Variants in TCF20 observed in about 807,000 individuals in gnomAD.
The protein encoded by TCF20 is transcription factor 20.
TCF20 carries 3 observed loss-of-function variants against 148.6 expected under a neutral mutation model. The ratio of observed to expected loss-of-function variants is 0.02; its 90% confidence interval spans 0.01 to 0.05. The LOEUF (loss-of-function observed/expected upper bound fraction) is 0.05. TCF20 is among the 10% of genes least tolerant of loss of function. The probability of loss-of-function intolerance (pLI) is 1.00; values close to 1 mark genes in which losing one functional copy is unlikely to be tolerated. For synonymous variants in TCF20, 1,049 were observed against 909.5 expected (o/e 1.15, Z -2.76); for missense variants, 2,350 against 2,429.3 (o/e 0.97, Z 0.69).
chr22:42,286,597 A>G (rs1255765604), upstream of TCF20, among the ~76,000 whole-genome samples: 1 of 152,214 alleles, frequency 6.6e-6, no homozygotes, highest in Non-Finnish European at 1.5e-5. Flanking sequence ...AGATTACTTT[A>G]TCTGATCAGG....
intron 1 of TCF20, among the ~76,000 whole-genome samples, chr22:42,315,526 A>C (rs1317669233): frequency 2.0e-5 from 3 of 152,206 alleles, no homozygotes; most frequent in African/African-American, 7.2e-5. Flanking sequence ...TTCACTCAAC[A>C]AACTTTCACT....
chr22:42,301,823 T>C (rs956901579), intron 1 of TCF20, among the ~76,000 whole-genome samples: 1 of 152,154 alleles, frequency 6.6e-6, no homozygotes, highest in East Asian at 1.9e-4. Flanking sequence ...ATTCCCCTGG[T>C]AGATTTCAGT....
intron 2 of TCF20, among the ~76,000 whole-genome samples, chr22:42,187,507 G>T (rs1407326715): frequency 2.0e-5 from 3 of 152,142 alleles, no homozygotes; most frequent in Admixed American, 2.0e-4. Context: ...CCCCAGAAGT[G>T]GTACAAAACG....
At chr22:42,286,869 G>A (rs1181296953), upstream of TCF20, among the ~76,000 whole-genome samples, 1 of 152,212 alleles carries the variant, frequency 6.6e-6, no homozygotes, top group East Asian at 1.9e-4. Flanking sequence ...GTTCCCATCA[G>A]TCCCTTGAAC....
chr22:42,307,204 C>T (rs1927451981), intron 1 of TCF20, among the ~76,000 whole-genome samples: 1 of 152,206 alleles, frequency 6.6e-6, no homozygotes, highest in African/African-American at 2.4e-5. Flanking sequence ...GTAGCTACAA[C>T]CAGCATTTGA....
intron 2 of TCF20, among the ~76,000 whole-genome samples, chr22:42,205,350 GT>G (rs1938315985): frequency 6.8e-6 from 1 of 146,888 alleles, no homozygotes; most frequent in Admixed American, 6.7e-5. Context: ...AAATGTTCTA[GT>G]TTTCGGCAAT....
chr22:42,166,425 T>C (rs1195118990), intron 5 of TCF20, among the ~76,000 whole-genome samples: 1 of 151,964 alleles, frequency 6.6e-6, no homozygotes, highest in Non-Finnish European at 1.5e-5. Flanking sequence ...CTGGGCAACA[T>C]GGTGAAACCC....
intron 1 of TCF20, among the ~76,000 whole-genome samples, chr22:42,221,745 T>TTTTTTTTTTTTTC (rs1922384924): frequency 7.7e-6 from 1 of 130,416 alleles, no homozygotes; most frequent in African/African-American, 3.2e-5. Context: ...AAGGGTTTTT[T>TTTTTTTTTTTTTC]TTTTTTTTTT....
chr22:42,242,227 A>AGAAAAAAAAT (rs1491280192), intron 1 of TCF20, among the ~76,000 whole-genome samples: 1 of 122,704 alleles, frequency 8.1e-6, no homozygotes, highest in Non-Finnish European at 1.7e-5. Context: ...AAAAAAAAAA[A>AGAAAAAAAAT]CAGAAAAGAA....
intron 1 of TCF20, among the ~76,000 whole-genome samples, chr22:42,311,578 A>G (rs6002679): frequency 0.56 from 84,990 of 152,028 alleles, 24,443 homozygotes; most frequent in African/African-American, 0.68. Flanking sequence ...CATGTTGTGG[A>G]CAGGAGCAAG....
chr22:42,251,520 T>TTTTTTTTTTTTTG (rs1555947166), intron 1 of TCF20, among the ~76,000 whole-genome samples: 1 of 115,716 alleles, frequency 8.6e-6, no homozygotes, highest in African/African-American at 3.4e-5. Flanking sequence ...TTTTTTTTTT[T>TTTTTTTTTTTTTG]GAGACAGAAT....
At chr22:42,167,669 C>T (rs1275341101) in intron 5 of TCF20, among the ~76,000 whole-genome samples, 6 of 152,108 alleles carry the variant, frequency 3.9e-5, no homozygotes, top group Admixed American at 1.3e-4. Context: ...CCAAGAGGGC[C>T]GTGACCACAA....
In TCF20 at chr22:42,213,053, G is replaced by A. The variant is rs1414605944; in HGVS notation, c.2253C>T (p.Ser751=). The A allele has an allele frequency of 8.1e-6, 13 of 1,614,098 alleles. No individual in the cohort carries two copies. The highest frequency in any genetic ancestry group is 1.1e-5 in the South Asian group (1 of 91,084). The change falls in exon 2 of 6, where the codon AGC becomes AGT. Residue 751 remains serine, a synonymous_variant. Transcript: ENST00000677622. The part of the protein sequence containing the change: ...ERKGRNEKFP[S]LLQEVLQGYH... ...AACCCTGAAGCACTTCCTGCAGGAG[G>A]CTTGGGAATTTTTCATTTCTACCCT...
chr22:42,259,931 G>A (rs1925940260), intron 1 of TCF20, among the ~76,000 whole-genome samples: 1 of 152,282 alleles, frequency 6.6e-6, no homozygotes, highest in African/African-American at 2.4e-5. Context: ...CCTGGGCAAA[G>A]TGAGACCCTT....
chr22:42,295,915 G>A (rs1007225171), intron 1 of TCF20, among the ~76,000 whole-genome samples: 11 of 152,136 alleles, frequency 7.2e-5, no homozygotes, highest in South Asian at 2.1e-4. Context: ...TCCACACAGC[G>A]TGACCAGTTC....
At chr22:42,322,769 A>C (rs1927758126) in intron 1 of TCF20, among the ~76,000 whole-genome samples, 1 of 136,546 alleles carries the variant, frequency 7.3e-6, no homozygotes, top group Admixed American at 7.0e-5. Context: ...TGTCTGAGTG[A>C]ATGAATGAGT....
chr22:42,240,798 C>T (rs1924325759), intron 1 of TCF20, among the ~76,000 whole-genome samples: 1 of 152,072 alleles, frequency 6.6e-6, no homozygotes. Context: ...GTAAATAAGC[C>T]CTCCCATGGA....
intron 1 of TCF20, among the ~76,000 whole-genome samples, chr22:42,311,041 G>A (rs747174572): frequency 1.4e-4 from 22 of 152,232 alleles, no homozygotes; most frequent in Non-Finnish European, 2.2e-4. Context: ...GCTGGCCCAA[G>A]GCTGGCCCGG....
chr22:42,305,997 T>C (rs951722307), intron 1 of TCF20, among the ~76,000 whole-genome samples: 3 of 152,058 alleles, frequency 2.0e-5, no homozygotes, highest in African/African-American at 7.2e-5. Flanking sequence ...CCTCCTTGCC[T>C]CCCCCTCCCC....
Sources: allele counts gnomAD v4.1 joint callset (sites outside exome capture counted in the v4.1 genomes callset), GRCh38; gene constraint gnomAD v4.1.1; transcripts MANE v1.5; gene names NCBI Gene and HGNC (gene_info 2026-07-23, HGNC 2026-07-21).